The following REV1 variants were observed in gnomAD, a reference collection of about 807,000 sequenced individuals.
REV1 encodes REV1 DNA directed polymerase.
REV1 carries 42 observed loss-of-function variants against 137.4 expected under a neutral mutation model. That is an observed-to-expected ratio of 0.31 (90% confidence interval 0.24 to 0.40). The LOEUF (loss-of-function observed/expected upper bound fraction) is 0.40, where lower values mean the gene tolerates loss of function less well. Ranked by LOEUF, REV1 falls within the 10% of genes least tolerant of loss-of-function variation. The probability of loss-of-function intolerance (pLI) is 1.00; values close to 1 mark genes in which losing one functional copy is unlikely to be tolerated. For synonymous variants in REV1, 524 were observed against 519.2 expected (o/e 1.01, Z -0.12); for missense variants, 1,282 against 1,490.1 (o/e 0.86, Z 2.30).
chr2:99,459,124 T>C (rs1012801220), intron 3 of REV1, among the ~76,000 whole-genome samples: 2 of 151,050 alleles, frequency 1.3e-5, no homozygotes, highest in South Asian at 2.1e-4. Context: ...AGGAGAATGG[T>C]GTGAACCCGG....
rs183196477 is a variant in REV1 at position 99,444,186 on chromosome 2, T to C, written c.351-1717A>G. On this transcript the variant is annotated intron_variant, in intron 4 of 22. Transcript: ENST00000258428. ...AATCTTTGTTCTGTGGTATTATGTA[T>C]ATCAAACTCACTTGCTTCCCCCACC... 2.6e-5 allele frequency among the ~76,000 whole-genome samples: 4 copies of C among 152,352 alleles called. No homozygotes were observed. The East Asian group carries it at 7.7e-4, about 29-fold the overall frequency.
At chr2:99,480,962 C>T (rs2104252704) in intron 1 of REV1, among the ~76,000 whole-genome samples, 1 of 152,260 alleles carries the variant, frequency 6.6e-6, no homozygotes, top group Admixed American at 6.5e-5. Context: ...ACAGTGAGTT[C>T]CAAGATAATT....
chr2:99,409,634 A>C (rs960966804), intron 14 of REV1, among the ~76,000 whole-genome samples: 1 of 152,164 alleles, frequency 6.6e-6, no homozygotes, highest in Non-Finnish European at 1.5e-5. Flanking sequence ...ATTTGAAGTC[A>C]GGAGTTCAAG....
chr2:99,473,096 T>G (rs1262440026), intron 1 of REV1, among the ~76,000 whole-genome samples: 1 of 152,060 alleles, frequency 6.6e-6, no homozygotes, highest in Non-Finnish European at 1.5e-5. Flanking sequence ...CCGGGCCTGG[T>G]GGCTCATGCC....
intron 1 of REV1, among the ~76,000 whole-genome samples, chr2:99,480,853 T>C (rs908318905): frequency 6.6e-6 from 1 of 152,236 alleles, no homozygotes; most frequent in Non-Finnish European, 1.5e-5. Flanking sequence ...TAAAATTATA[T>C]ACTTTTAAAA....
chr2:99,461,700 T>C (rs897775260), intron 3 of REV1, among the ~76,000 whole-genome samples: 3 of 152,302 alleles, frequency 2.0e-5, no homozygotes, highest in Middle Eastern at 3.4e-3. Context: ...GCTAACTGAC[T>C]TTACAGTTCA....
chr2:99,447,621 T>G (rs990938161), intron 4 of REV1, among the ~76,000 whole-genome samples: 1 of 152,220 alleles, frequency 6.6e-6, no homozygotes, highest in Non-Finnish European at 1.5e-5. Context: ...CCAGGTTGTA[T>G]GGACAAATGA....
chr2:99,403,260 C>A (rs1049446465), intron 19 of REV1, 154 bp from the exon 20 acceptor site: 47 of 644,374 alleles, frequency 7.3e-5, no homozygotes, highest in Admixed American at 6.1e-5. Context: ...ATGGCAATGG[C>A]CCAAAGTACA....
chr2:99,419,499 C>T (rs922028108), intron 11 of REV1, among the ~76,000 whole-genome samples: 36 of 152,040 alleles, frequency 2.4e-4, no homozygotes, highest in African/African-American at 8.0e-4. Context: ...AATGAGCCAC[C>T]GTGCCCAATC....
chr2:99,412,991 C>T, intron 12 of REV1, 40 bp from the exon 13 acceptor site: 2 of 1,401,322 alleles, frequency 1.4e-6, no homozygotes, highest in South Asian at 2.3e-5. Context: ...GAATAAGCTA[C>T]TAATAACAAG....
intron 15 of REV1, 155 bp from the exon 16 acceptor site, chr2:99,406,645 C>A: frequency 1.9e-6 from 1 of 533,334 alleles, no homozygotes; most frequent in Non-Finnish European, 3.0e-6. Flanking sequence ...TTCTATATGA[C>A]TTATTACAAA....
At chr2:99,490,085 C>CCGGCCCCGCCCACGCCCCTTCCG (rs555877839), upstream of REV1, 2 of 144,548 alleles carry the variant, frequency 1.4e-5, no homozygotes, top group African/African-American at 5.1e-5. Context: ...CGCGCGCTCC[C>CCGGCCCCGCCCACGCCCCTTCCG]CGGCCCCGCT....
chr2:99,439,088 C>T lies in REV1; in HGVS notation c.726G>A (p.Leu242=), dbSNP rs749062324. 1 of 1,613,920 alleles carries T rather than the reference C, an allele frequency of 6.2e-7. No individual in the cohort carries two copies. Among genetic ancestry groups the T allele is most frequent in the East Asian group, 2.2e-5 (1 of 44,900 alleles). Residue 242 remains leucine, a synonymous_variant, in exon 6 of 23, where the codon TTG becomes TTA. Coordinates refer to ENST00000258428, the MANE Select transcript of REV1 (RefSeq NM_016316.4). The stretch of plus-strand genomic sequence containing the variant: ...TGGCAACACTGTTGACCATGGGCAC[C>T]AAGCAATCCTGTGTCTTTAAGGCAC... ...SNGALKTQDC[L]VPMVNSVASR...
intron 4 of REV1, among the ~76,000 whole-genome samples, chr2:99,443,848 CTT>C (rs368655067): frequency 1.4e-5 from 2 of 147,570 alleles, no homozygotes; most frequent in Non-Finnish European, 3.0e-5. Flanking sequence ...ACTTTTCTTC[CTT>C]TTTTTTTTTT....
chr2:99,403,049 T>A lies in REV1; in HGVS notation c.3224A>T (p.Lys1075Met), dbSNP rs147467855. 564 of 1,613,818 alleles carry A rather than the reference T, an allele frequency of 3.5e-4. 1 individual carries two copies. The highest frequency in any genetic ancestry group is 4.9e-4 in the Middle Eastern group (3 of 6,078). ...KAAVKEKKRN[K>M]KKKTIGSPKR... is the part of the protein sequence containing the mutation. Reference sequence around the variant, plus strand: ...TGGTGAACCAATGGTTTTTTTCTTCTTGTTTCTTTTCTTTTCTTTCACTGC... The same window carrying A: ...TGGTGAACCAATGGTTTTTTTCTTCATGTTTCTTTTCTTTTCTTTCACTGC... Residue 1075 changes from lysine to methionine, a missense_variant, in exon 20 of 23, where the codon AAG becomes ATG. By Grantham distance (95) the Lys-to-Met change is moderately conservative. Transcript: ENST00000258428.
chr2:99,454,146 T>C lies in REV1; in HGVS notation c.182-4642A>G, dbSNP rs551290709. 2.0e-5 allele frequency among the ~76,000 whole-genome samples: 3 copies of C among 151,916 alleles called. No homozygotes were observed. In the East Asian group the frequency reaches 5.8e-4, roughly 29 times the overall value. On this transcript the variant is annotated intron_variant, in intron 3 of 22. Coordinates refer to ENST00000258428, the MANE Select transcript of REV1 (RefSeq NM_016316.4). ...GGTTCATGCTTGTAATTTGAAAGAT[T>C]TGGGAGGCTGAGGCAGGAGGATCAT...
chr2:99,456,125 G>A (rs1683514950), intron 3 of REV1, among the ~76,000 whole-genome samples: 1 of 152,200 alleles, frequency 6.6e-6, no homozygotes, highest in South Asian at 2.1e-4. Flanking sequence ...TACAATGCAG[G>A]CCTCAAATGT....
At chr2:99,477,588 T>C (rs1346511116) in intron 1 of REV1, among the ~76,000 whole-genome samples, 1 of 152,248 alleles carries the variant, frequency 6.6e-6, no homozygotes, top group Non-Finnish European at 1.5e-5. Context: ...CATTTTAATA[T>C]GATTTTGATT....
At chr2:99,487,211 A>G (rs2104333187) in intron 1 of REV1, among the ~76,000 whole-genome samples, 1 of 152,386 alleles carries the variant, frequency 6.6e-6, no homozygotes, top group East Asian at 1.9e-4. Context: ...TCAGTCACCT[A>G]GTAAGAGGTA....
Sources: gnomAD v4.1 joint callset for allele counts (sites outside exome capture counted in the v4.1 genomes callset) on GRCh38, gnomAD v4.1.1 for gene constraint, MANE v1.5 for transcripts, NCBI Gene and HGNC (gene_info 2026-07-23, HGNC 2026-07-21) for gene names.